Variants in DENND6A observed in about 807,000 individuals in gnomAD.
The protein encoded by DENND6A is protein DENND6A.
Under a neutral mutation model 95.5 loss-of-function variants are expected in DENND6A, and 43 were observed. That is an observed-to-expected ratio of 0.45 (90% CI 0.35 to 0.58). The LOEUF (loss-of-function observed/expected upper bound fraction) is 0.58, where lower values mean the gene tolerates loss of function less well. Among genes scored for constraint, DENND6A ranks in the 20% least tolerant of loss-of-function variants. The pLI, the probability that DENND6A is intolerant of heterozygous loss-of-function variation, is 0.00. For synonymous variants in DENND6A, 257 were observed against 260.4 expected (o/e 0.99, Z 0.13); for missense variants, 574 against 736.0 (o/e 0.78, Z 2.55).
chr3:57,636,022 C>T (rs949593208), intron 12 of DENND6A, among the ~76,000 whole-genome samples: 1 of 152,114 alleles, frequency 6.6e-6, no homozygotes, highest in African/African-American at 2.4e-5. Flanking sequence ...CCCTAGCTTA[C>T]TTTATTATAA....
In DENND6A at chr3:57,632,210, G is replaced by A. The variant is rs192672018; in HGVS notation, c.1353+1055C>T. 1.8e-4 allele frequency among the ~76,000 whole-genome samples: 26 copies of A among 142,576 alleles called. 1 individual carries two copies. Among genetic ancestry groups the A allele is most frequent in the Admixed American group, 1.1e-3 (15 of 14,102 alleles). The allele number at this position is 142,576 out of a possible 152,430, so 93.5% of individuals were successfully genotyped here. A position where few individuals can be genotyped will look rare whatever the true frequency, so the allele number is the denominator to read the frequency against. Reference sequence around the variant, plus strand: ...AATTTTTTGTATTTTTAGTAGAGACGAGACGGGGTTTCACCGTGTTAGCCA... The same window carrying A: ...AATTTTTTGTATTTTTAGTAGAGACAAGACGGGGTTTCACCGTGTTAGCCA... On this transcript the variant is annotated intron_variant, in intron 15 of 19. Transcript: ENST00000311128.
At chr3:57,687,874 G>A (rs1183877381) in intron 1 of DENND6A, among the ~76,000 whole-genome samples, 1 of 148,936 alleles carries the variant, frequency 6.7e-6, no homozygotes, top group Non-Finnish European at 1.5e-5. Context: ...CAAGGCTTCA[G>A]TAAGCCATGA....
At chr3:57,642,495 A>G (rs898365547) in intron 11 of DENND6A, among the ~76,000 whole-genome samples, 7 of 152,126 alleles carry the variant, frequency 4.6e-5, no homozygotes, top group African/African-American at 1.7e-4. Flanking sequence ...GTGCAAAGCA[A>G]TGAAGTGACA....
intron 8 of DENND6A, among the ~76,000 whole-genome samples, chr3:57,658,213 G>A (rs188378603): frequency 2.5e-4 from 38 of 150,900 alleles, no homozygotes; most frequent in Admixed American, 1.3e-3. Flanking sequence ...TGCAGCCTAG[G>A]TGACAGAGCG....
At chr3:57,689,458 T>C (rs1173054771) in intron 1 of DENND6A, among the ~76,000 whole-genome samples, 1 of 152,180 alleles carries the variant, frequency 6.6e-6, no homozygotes, top group Non-Finnish European at 1.5e-5. Context: ...AGAGGACACT[T>C]TGATTCTGTG....
In DENND6A at chr3:57,635,972, T is replaced by G. The variant is rs137855062; in HGVS notation, c.1133-1203A>C. On this transcript the variant is annotated intron_variant, in intron 12 of 19. Transcript: ENST00000311128. ...CCACTTAATGAACAGTCAATATATA[T>G]TTTATCTTCCTCATGATTTTCTTAG... 7.1e-4 allele frequency among the ~76,000 whole-genome samples: 108 copies of G among 152,318 alleles called. 2 individuals carry two copies. Among genetic ancestry groups the G allele is most frequent in the African/African-American group, 2.5e-3 (104 of 41,574 alleles).
chr3:57,667,530 G>A (rs1468582163), intron 3 of DENND6A, among the ~76,000 whole-genome samples: 2 of 152,172 alleles, frequency 1.3e-5, no homozygotes, highest in Admixed American at 1.3e-4. Context: ...AAGACAAAAC[G>A]TGAAGCTTCA....
At chr3:57,665,346 T>C (rs1190407995) in intron 4 of DENND6A, among the ~76,000 whole-genome samples, 3 of 152,216 alleles carry the variant, frequency 2.0e-5, no homozygotes, top group Admixed American at 1.3e-4. Context: ...AAGTTTCTTA[T>C]GCTCAATAGC....
Position 57,648,352 on chromosome 3 carries a change from G to A in DENND6A, c.819-1914C>T, listed in dbSNP as rs191133528. On this transcript the variant is annotated intron_variant, in intron 9 of 19. Coordinates refer to ENST00000311128, the MANE Select transcript of DENND6A (RefSeq NM_152678.3). ...AACACTGCTGAAAAAAATCACAGAC[G>A]ACACAAACAAATGGAAACACATCCT... Among the ~76,000 whole-genome samples the A allele has an allele frequency of 1.1e-3, 163 of 152,094 alleles. 3 individuals carry two copies. The highest frequency in any genetic ancestry group is 1.3e-3 in the Non-Finnish European group (90 of 67,988).
intron 18 of DENND6A, among the ~76,000 whole-genome samples, chr3:57,629,276 C>A (rs949891273): frequency 8.5e-5 from 13 of 152,122 alleles, no homozygotes; most frequent in African/African-American, 3.1e-4. Flanking sequence ...ATGTACACTT[C>A]GTGTTTTCGG....
intron 9 of DENND6A, chr3:57,654,763 C>G (rs1207998037): frequency 6.1e-6 from 6 of 985,376 alleles, no homozygotes; most frequent in Non-Finnish European, 7.2e-6. Context: ...TCAACTGTAT[C>G]TCTGCTACTC....
At position 57,630,417 on chromosome 3, in the gene DENND6A, G is replaced by A. The variant is rs141509483; in HGVS notation, c.1620+4C>T. On this transcript the variant is annotated splice_donor_region_variant and intron_variant, in intron 18 of 19. Transcript: ENST00000311128. ...ATCATTACACAAACACACAGTTTTC[G>A]AACCTCTTCACAAAGAGCTTCTAGA... The A allele has an allele frequency of 3.6e-5, 57 of 1,577,118 alleles. No homozygotes were observed. Among genetic ancestry groups the A allele is most frequent in the Middle Eastern group, 1.7e-4 (1 of 5,978 alleles).
intron 9 of DENND6A, among the ~76,000 whole-genome samples, chr3:57,650,189 T>C (rs1215075566): frequency 1.3e-5 from 2 of 151,810 alleles, no homozygotes; most frequent in Non-Finnish European, 2.9e-5. Flanking sequence ...TTGGGTACAG[T>C]GTACATTCCT....
At position 57,628,359 on chromosome 3, in the gene DENND6A, A is replaced by G. The variant is rs1280469556; in HGVS notation, c.1696-14T>C. On this transcript the variant is annotated splice_polypyrimidine_tract_variant and intron_variant, in intron 19 of 19. Transcript: ENST00000311128. ...ATCAGCCTGCAACTACATAAGGAAC[A>G]TTTCATAACATTTAAATTATCCTCA... 3.1e-6 allele frequency: 5 copies of G among 1,610,192 alleles called. No homozygotes were observed. Among genetic ancestry groups the G allele is most frequent in the Non-Finnish European group, 3.4e-6 (4 of 1,178,724 alleles).
At chr3:57,652,227 C>T (rs2071225000) in intron 9 of DENND6A, among the ~76,000 whole-genome samples, 1 of 152,160 alleles carries the variant, frequency 6.6e-6, no homozygotes, top group South Asian at 2.1e-4. Flanking sequence ...ATACGGGACA[C>T]TGTGGCTTCA....
At chr3:57,645,515 C>G (rs1224490106) in intron 11 of DENND6A, 146 bp downstream of exon 11, 1 of 532,554 alleles carries the variant, frequency 1.9e-6, no homozygotes, top group African/African-American at 2.0e-5. Context: ...GGTACTAACT[C>G]TTAAAATCTA....
At chr3:57,692,307 C>A (rs1394288618) in intron 1 of DENND6A, among the ~76,000 whole-genome samples, 1 of 151,118 alleles carries the variant, frequency 6.6e-6, no homozygotes, top group African/African-American at 2.4e-5. Context: ...ATAAGCATTT[C>A]GACTCAGGCT....
intron 9 of DENND6A, among the ~76,000 whole-genome samples, chr3:57,653,694 C>T (rs545582945): frequency 6.7e-6 from 1 of 148,364 alleles, no homozygotes; most frequent in Non-Finnish European, 1.5e-5. Flanking sequence ...TGCAGTGAGC[C>T]GAGATCGCAC....
chr3:57,645,544 C>T (rs1282496821), intron 11 of DENND6A, 117 bp downstream of exon 11: 17 of 626,286 alleles, frequency 2.7e-5, no homozygotes, highest in Non-Finnish European at 4.3e-5. Flanking sequence ...TCCAGCAGCT[C>T]CTCAAACTTT....
Sources: gnomAD v4.1 joint callset for allele counts (sites outside exome capture counted in the v4.1 genomes callset) on GRCh38, gnomAD v4.1.1 for gene constraint, MANE v1.5 for transcripts, NCBI Gene and HGNC (gene_info 2026-07-23, HGNC 2026-07-21) for gene names.